SLC5A12: variants seen among roughly 807,000 people sequenced by gnomAD.
SLC5A12 encodes sodium-coupled monocarboxylate transporter 2.
A neutral mutation model predicts 72.7 loss-of-function variants in SLC5A12; 46 were observed. That is an observed-to-expected ratio of 0.63 (90% CI 0.50 to 0.81). SLC5A12 has a LOEUF of 0.81. SLC5A12 is among the 30% of genes least tolerant of loss of function. The pLI is 0.00. For missense variants in SLC5A12, 683 were observed against 740.7 expected, an observed-to-expected ratio of 0.92 and a Z score of 0.90; for synonymous variants, 275 against 264.4, an observed-to-expected ratio of 1.04 and a Z score of -0.39.
chr11:26,712,682 G>A lies in SLC5A12; in HGVS notation c.364C>T (p.Pro122Ser), dbSNP rs772459747. The A allele has an allele frequency of 3.1e-6, 5 of 1,589,470 alleles. No individual in the cohort carries two copies. Among genetic ancestry groups the A allele is most frequent in the Admixed American group, 1.7e-5 (1 of 59,722 alleles). ...ATGACCGTGGCAGCATAGCGAACTG[G>A]TTTGTTGAATCGTAGTTGTAAGTAC... is the stretch of plus-strand genomic sequence containing the variant. ...YEYLQLRFNK[P>S]VRYAATVIYI... is the part of the protein sequence containing the mutation. The change falls in exon 2 of 15, where the codon CCA (proline) becomes TCA (serine). Residue 122 changes from proline (P) to serine (S), a missense_variant. By Grantham distance (74) the Pro-to-Ser change is moderately conservative. Transcript: ENST00000396005.
chr11:26,708,823 A>C (rs1397196466), intron 4 of SLC5A12, among the ~76,000 whole-genome samples: 1 of 152,092 alleles, frequency 6.6e-6, no homozygotes. Context: ...GGTAAATGTA[A>C]TCCAGGCTTA....
chr11:26,721,428 G>T lies in SLC5A12; in HGVS notation c.287C>A (p.Ser96Ter), dbSNP rs1234387687. The T allele has an allele frequency of 2.5e-6, 4 of 1,614,156 alleles. No individual in the cohort carries two copies. The highest frequency in any genetic ancestry group is 3.4e-6 in the Non-Finnish European group (4 of 1,180,006). ...IAYLFVILLT[S>*]ELFLPVFYRS... ...GTAGAACACAGGGAGAAAGAGCTCT[G>T]ATGTTAAGAGGATGACAAATAGGTA... is the stretch of plus-strand genomic sequence containing the variant. Residue 96 changes from serine to a stop codon, truncating the protein, a stop_gained, in exon 1 of 15, where the codon TCA becomes TAA. Transcript: ENST00000396005. LOFTEE classifies it high-confidence loss of function.
chr11:26,692,932 T>C (rs1854718034), intron 8 of SLC5A12, among the ~76,000 whole-genome samples: 1 of 152,164 alleles, frequency 6.6e-6, no homozygotes, highest in Admixed American at 6.5e-5. Context: ...TATGTGTGTG[T>C]TCAGGTTGGA....
At chr11:26,716,591 A>C (rs890390249) in intron 1 of SLC5A12, among the ~76,000 whole-genome samples, 2 of 152,058 alleles carry the variant, frequency 1.3e-5, no homozygotes, top group African/African-American at 4.8e-5. Flanking sequence ...AGAACCCCAA[A>C]CTTGATCCAG....
Position 26,683,817 on chromosome 11 carries a change from A to T in SLC5A12, c.1248T>A (p.Cys416Ter), listed in dbSNP as rs750110498. The T allele has an allele frequency of 7.5e-6, 12 of 1,598,316 alleles. No homozygotes were observed. Among genetic ancestry groups the T allele is most frequent in the Non-Finnish European group, 8.5e-7 (1 of 1,173,012 alleles). The part of the protein sequence containing the change: ...VQASLSIHGM[C>*]GGPMLGLFSL... ...AGAATAAGCCCAGCATTGGTCCTCC[A>T]CACATGCCGTGAATGCTGAGGGAAG... The change falls in exon 11 of 15, where the codon TGT (cysteine) becomes TGA (stop). Residue 416 changes from cysteine to a stop codon, truncating the protein, a stop_gained. Transcript: ENST00000396005. LOFTEE classifies it high-confidence loss of function.
At chr11:26,710,971 G>T (rs1374557342) in intron 3 of SLC5A12, among the ~76,000 whole-genome samples, 3 of 151,866 alleles carry the variant, frequency 2.0e-5, no homozygotes, top group Non-Finnish European at 2.9e-5. Flanking sequence ...GATTACTGAA[G>T]TCCCTGTATT....
chr11:26,681,113 T>C lies in SLC5A12; in HGVS notation c.1417A>G (p.Thr473Ala). Residue 473 changes from threonine to alanine, a missense_variant, in exon 12 of 15, where the codon ACA becomes GCA. Coordinates refer to ENST00000396005, the MANE Select transcript of SLC5A12 (RefSeq NM_178498.4). ...ACATTTGATTTGATACATTGGTCTG[T>C]TGACAGAGGCAAAGGCCATGTCTTA... is the stretch of plus-strand genomic sequence containing the variant. ...ASKTWPLPLSTDQCIKSNVTA... is the reference protein window; with the variant it reads ...ASKTWPLPLSADQCIKSNVTA... 1.2e-6 allele frequency: 2 copies of C among 1,611,696 alleles called. No individual in the cohort carries two copies. The highest frequency in any genetic ancestry group is 1.7e-6 in the Non-Finnish European group (2 of 1,178,800).
intron 13 of SLC5A12, among the ~76,000 whole-genome samples, chr11:26,676,215 T>C (rs1854262358): frequency 6.6e-6 from 1 of 152,098 alleles, no homozygotes; most frequent in Non-Finnish European, 1.5e-5. Context: ...CAAAGATTAC[T>C]TTTTTATGTT....
At chr11:26,720,267 A>G (rs551542392) in intron 1 of SLC5A12, among the ~76,000 whole-genome samples, 2 of 152,044 alleles carry the variant, frequency 1.3e-5, no homozygotes, top group South Asian at 2.1e-4. Context: ...ATTCAGGAGA[A>G]TCACTTGAGC....
chr11:26,673,911 A>T (rs1443665258), intron 13 of SLC5A12, among the ~76,000 whole-genome samples: 1 of 152,136 alleles, frequency 6.6e-6, no homozygotes, highest in Non-Finnish European at 1.5e-5. Flanking sequence ...ATTTGAGATC[A>T]TCTAAGTCAG....
At chr11:26,695,150 T>A (rs1854778683) in intron 8 of SLC5A12, among the ~76,000 whole-genome samples, 1 of 151,956 alleles carries the variant, frequency 6.6e-6, no homozygotes, top group African/African-American at 2.4e-5. Context: ...TTAATTAAGG[T>A]ATTAACCTAA....
chr11:26,694,659 A>C (rs1415803172), intron 8 of SLC5A12, among the ~76,000 whole-genome samples: 1 of 152,186 alleles, frequency 6.6e-6, no homozygotes, highest in Non-Finnish European at 1.5e-5. Context: ...TCATTATATA[A>C]ATTCAAGGAT....
chr11:26,721,319 G>A lies in SLC5A12; in HGVS notation c.339+57C>T, dbSNP rs73438443. 1,651 of 1,238,166 alleles carry A rather than the reference G, an allele frequency of 1.3e-3. 21 individuals are homozygous for A. The African/African-American group carries it at 0.023, about 17-fold the overall frequency. The allele number at this position is 1,238,166 out of a possible 1,614,324, so 76.7% of individuals were successfully genotyped here. A position where few individuals can be genotyped will look rare whatever the true frequency, so the allele number is the denominator to read the frequency against. On this transcript the variant is annotated intron_variant, in intron 1 of 14. Transcript: ENST00000396005. ...AGTGAGTGTTCTTCAACTACCAGGTGCTATCATCAAGAGGATGAGAAAAAA... is the reference window on the plus strand; with the variant it reads ...AGTGAGTGTTCTTCAACTACCAGGTACTATCATCAAGAGGATGAGAAAAAA...
intron 3 of SLC5A12, 127 bp from the exon 4 acceptor site, chr11:26,709,506 G>GT (rs1565201150): frequency 1.5e-6 from 1 of 657,152 alleles, no homozygotes; most frequent in East Asian, 2.8e-5. Context: ...TCAAATTAGA[G>GT]TTTTCCCTCA....
At position 26,671,163 on chromosome 11, in the gene SLC5A12, G is replaced by A; in HGVS notation, c.1796C>T (p.Pro599Leu). 1 of 1,612,758 alleles carries A rather than the reference G, an allele frequency of 6.2e-7. No homozygotes were observed. Among genetic ancestry groups the A allele is most frequent in the African/African-American group, 1.3e-5 (1 of 74,918 alleles). ...GCTTTTGTCCTTAGGATCATAGCCTGGAACATGTACCAGGCTTTCTCTTCT... is the reference window on the plus strand; with the variant it reads ...GCTTTTGTCCTTAGGATCATAGCCTAGAACATGTACCAGGCTTTCTCTTCT... ...GLRRESLVHV[P>L]GYDPKDKSYN... The change falls in exon 15 of 15, where the codon CCA (proline) becomes CTA (leucine). Residue 599 changes from proline to leucine, a missense_variant. Pro to Leu is a moderately conservative substitution (Grantham distance 98, BLOSUM62 -3). Transcript: ENST00000396005.
chr11:26,675,053 T>C (rs1040736471), intron 13 of SLC5A12, among the ~76,000 whole-genome samples: 2 of 151,990 alleles, frequency 1.3e-5, no homozygotes, highest in African/African-American at 4.8e-5. Context: ...TGAGGAGGAG[T>C]TGCAAAACCT....
In SLC5A12 at chr11:26,703,156, A is replaced by G. The variant is rs1383749843; in HGVS notation, c.821+375T>C. ...TCAGTTTACCTTTTAACCCATGAAA[A>G]GAAAAATAATAGTTGAAAAGACCAC... On this transcript the variant is annotated intron_variant, in intron 6 of 14. Transcript: ENST00000396005. Among the ~76,000 whole-genome samples, 18 of 152,204 alleles carry G rather than the reference A, an allele frequency of 1.2e-4. 1 individual carries two copies. The highest frequency in any genetic ancestry group is 2.6e-4 in the Non-Finnish European group (18 of 68,050).
At chr11:26,723,113 A>G (rs1855510690), upstream of SLC5A12, among the ~76,000 whole-genome samples, 1 of 152,148 alleles carries the variant, frequency 6.6e-6, no homozygotes, top group African/African-American at 2.4e-5. Flanking sequence ...AATAAAAAAA[A>G]TAATTTTTAG....
Position 26,704,067 on chromosome 11 carries a change from G to T in SLC5A12, c.526-120C>A, listed in dbSNP as rs1043280305. ...TGTTTATTCAGCATCAGCCACTGAGGATCTTTTATGTGCCAAGTACCATGT... is the reference window on the plus strand; with the variant it reads ...TGTTTATTCAGCATCAGCCACTGAGTATCTTTTATGTGCCAAGTACCATGT... On this transcript the variant is annotated intron_variant, in intron 4 of 14. Coordinates refer to ENST00000396005, the MANE Select transcript of SLC5A12 (RefSeq NM_178498.4). 10 of 1,030,364 alleles carry T rather than the reference G, an allele frequency of 9.7e-6. No homozygotes were observed. In the African/African-American group the frequency reaches 1.4e-4, roughly 15 times the overall value. The allele number at this position is 1,030,364 out of a possible 1,614,324, so 63.8% of individuals were successfully genotyped here. A position where few individuals can be genotyped will look rare whatever the true frequency, so the allele number is the denominator to read the frequency against.
Sources: gnomAD v4.1 joint callset for allele counts (sites outside exome capture counted in the v4.1 genomes callset) on GRCh38, gnomAD v4.1.1 for gene constraint, MANE v1.5 for transcripts, NCBI Gene and HGNC (gene_info 2026-07-23, HGNC 2026-07-21) for gene names.